The following AIM2 variants were observed in gnomAD, a reference collection of about 807,000 sequenced individuals.
AIM2 encodes the protein interferon-inducible protein AIM2.
In AIM2, 30 loss-of-function variants were observed where a neutral mutation model predicts 27.7. That is an observed-to-expected ratio of 1.08 (90% CI 0.81 to 1.47). AIM2 has a LOEUF of 1.47. Among genes scored for constraint, AIM2 ranks in the 40% most tolerant of loss-of-function variants. The pLI is 0.00. For synonymous variants in AIM2, 141 were observed against 145.3 expected, an observed-to-expected ratio of 0.97 and a Z score of 0.21; for missense variants, 358 against 411.3, an observed-to-expected ratio of 0.87 and a Z score of 1.12.
intron 1 of AIM2, among the ~76,000 whole-genome samples, chr1:159,125,037 C>T (rs568182144): frequency 6.4e-4 from 97 of 152,272 alleles, no homozygotes; most frequent in African/African-American, 2.0e-3. Context: ...TGGGAGACAG[C>T]GATAGCAGTG....
rs75041654 is a variant in AIM2, at chr1:159,097,893, C to T, written c.-15-31564G>A. ...CAAAGGAGAAATAAAGTGAAAACGC[C>T]ATTCTGAGACAGTGTTACATTCCCA... On this transcript the variant is annotated intron_variant, in intron 1 of 2. Transcript: ENST00000368129. Among the ~76,000 whole-genome samples the T allele has an allele frequency of 3.9e-4, 60 of 152,244 alleles. No individual in the cohort carries two copies. In the East Asian group the frequency reaches 0.011, roughly 29 times the overall value.
chr1:159,057,479 A>G, the AIM2 span, among the ~76,000 whole-genome samples: 2 of 152,174 alleles, frequency 1.3e-5, no homozygotes, highest in Non-Finnish European at 2.9e-5. Context: ...CCTTGGTGTT[A>G]CTTTCCCAAA....
chr1:159,135,980 C>T (rs1648003713), intron 1 of AIM2, among the ~76,000 whole-genome samples: 1 of 152,170 alleles, frequency 6.6e-6, no homozygotes, highest in African/African-American at 2.4e-5. Flanking sequence ...GCTTTAAAGC[C>T]CGGCATTGCC....
At chr1:159,113,171 CTT>C (rs1175628406) in intron 1 of AIM2, among the ~76,000 whole-genome samples, 1 of 152,114 alleles carries the variant, frequency 6.6e-6, no homozygotes, top group East Asian at 1.9e-4. Flanking sequence ...GTCTCGATCT[CTT>C]TACCTCATGA....
At chr1:159,075,534 T>C (rs1412972100) in intron 1 of AIM2, among the ~76,000 whole-genome samples, 2 of 129,468 alleles carry the variant, frequency 1.5e-5, no homozygotes, top group African/African-American at 2.9e-5. Flanking sequence ...ATACCTGCAA[T>C]ACACACACAC....
chr1:159,066,354 C>T (rs768667075), intron 3 of AIM2, 25 bp from the exon 4 acceptor site: 1 of 1,587,526 alleles, frequency 6.3e-7, no homozygotes, highest in Non-Finnish European at 8.6e-7. Flanking sequence ...AGAAAGATAT[C>T]AGCTGTGAGT....
chr1:159,099,949 C>T (rs975638031), intron 1 of AIM2, among the ~76,000 whole-genome samples: 2 of 152,174 alleles, frequency 1.3e-5, no homozygotes, highest in African/African-American at 4.8e-5. Flanking sequence ...TTACTCCCAG[C>T]CTTTCCCCTC....
chr1:159,064,526 G>A (rs114865439), intron 4 of AIM2, among the ~76,000 whole-genome samples: 5,361 of 152,314 alleles, frequency 0.035, 107 homozygotes, highest in Non-Finnish European at 0.046. Context: ...GTGCGATGGC[G>A]CAATCTTGGC....
Position 159,101,021 on chromosome 1 carries a change from C to T in AIM2, c.-15-34692G>A, listed in dbSNP as rs139215082. Reference sequence around the variant, plus strand: ...CATACATAACAAGAAGTACACCTCACTTTCACCTCACTTTCATCACAGATA... The same window carrying T: ...CATACATAACAAGAAGTACACCTCATTTTCACCTCACTTTCATCACAGATA... On this transcript the variant is annotated intron_variant, in intron 1 of 2. Coordinates refer to the AIM2 transcript ENST00000368129. 3.3e-3 allele frequency among the ~76,000 whole-genome samples: 505 copies of T among 152,302 alleles called. 4 individuals carry two copies. The highest frequency in any genetic ancestry group is 6.0e-3 in the South Asian group (29 of 4,824).
chr1:159,091,176 C>G (rs565037062), intron 1 of AIM2, among the ~76,000 whole-genome samples: 1 of 152,262 alleles, frequency 6.6e-6, no homozygotes, highest in African/African-American at 2.4e-5. Context: ...TTAAACATTA[C>G]TTAATAAAGT....
At chr1:159,109,795 CAT>C (rs1477918985) in intron 1 of AIM2, among the ~76,000 whole-genome samples, 1 of 152,000 alleles carries the variant, frequency 6.6e-6, no homozygotes, top group Non-Finnish European at 1.5e-5. Context: ...GGCCAACAAA[CAT>C]ATGAAAAAAT....
chr1:159,065,334 C>A (rs1340019453), intron 4 of AIM2, among the ~76,000 whole-genome samples: 11 of 152,234 alleles, frequency 7.2e-5, no homozygotes, highest in Non-Finnish European at 1.0e-4. Flanking sequence ...GCCGTGCAAC[C>A]TTCCAAGTGT....
At chr1:159,109,696 A>T (rs972204618) in intron 1 of AIM2, among the ~76,000 whole-genome samples, 8 of 151,714 alleles carry the variant, frequency 5.3e-5, no homozygotes, top group African/African-American at 2.0e-4. Context: ...ATCTACAATG[A>T]ACTCAAACAA....
At chr1:159,129,559 T>C (rs1647812801) in intron 1 of AIM2, among the ~76,000 whole-genome samples, 2 of 152,166 alleles carry the variant, frequency 1.3e-5, no homozygotes, top group Non-Finnish European at 2.9e-5. Flanking sequence ...TGATGTTGGT[T>C]ACTCAGAGTA....
At chr1:159,132,520 CAG>C (rs1295704065) in intron 1 of AIM2, among the ~76,000 whole-genome samples, 2 of 152,174 alleles carry the variant, frequency 1.3e-5, no homozygotes, top group African/African-American at 2.4e-5. Context: ...AGAACGGACT[CAG>C]ACACACCCAC....
At chr1:159,070,010 C>T (rs1477506908) in intron 2 of AIM2, among the ~76,000 whole-genome samples, 1 of 152,170 alleles carries the variant, frequency 6.6e-6, no homozygotes, top group Non-Finnish European at 1.5e-5. Context: ...TTCCCTCTGA[C>T]TGAAGGTACC....
intron 1 of AIM2, among the ~76,000 whole-genome samples, chr1:159,105,710 G>C (rs1283874825): frequency 6.6e-6 from 1 of 152,178 alleles, no homozygotes; most frequent in Non-Finnish European, 1.5e-5. Context: ...CCCGAATTGG[G>C]TAGCTCCTTC....
chr1:159,116,444 C>A (rs1647353295), intron 1 of AIM2, among the ~76,000 whole-genome samples: 1 of 152,216 alleles, frequency 6.6e-6, no homozygotes, highest in East Asian at 1.9e-4. Flanking sequence ...AAATGTCCAA[C>A]AATGATAGAC....
At position 159,105,217 on chromosome 1, in the gene AIM2, C is replaced by T. The variant is rs1657411799; in HGVS notation, c.-16+35214G>A. Among the ~76,000 whole-genome samples, 5 of 152,362 alleles carry T rather than the reference C, an allele frequency of 3.3e-5. No homozygotes were observed. The South Asian group carries it at 1.0e-3, about 32-fold the overall frequency. ...GCAGCTCCAGGCGCCAGCATAGGCACTGGCTCCATGTGAGGCTACGACTGG... is the reference window on the plus strand; with the variant it reads ...GCAGCTCCAGGCGCCAGCATAGGCATTGGCTCCATGTGAGGCTACGACTGG... On this transcript the variant is annotated intron_variant, in intron 1 of 2. Coordinates refer to the AIM2 transcript ENST00000368129.
Sources: gnomAD v4.1 joint callset for allele counts (sites outside exome capture counted in the v4.1 genomes callset) on GRCh38, gnomAD v4.1.1 for gene constraint, MANE v1.5 for transcripts, NCBI Gene and HGNC (gene_info 2026-07-23, HGNC 2026-07-21) for gene names.